The following DPYD variants were observed in gnomAD, a reference collection of about 807,000 sequenced individuals.
DPYD encodes dihydropyrimidine dehydrogenase [NADP(+)].
DPYD carries 109 observed loss-of-function variants against 116.2 expected under a neutral mutation model. The ratio of observed to expected loss-of-function variants is 0.94; its 90% CI spans 0.80 to 1.10. The LOEUF is 1.10. Ranked by LOEUF, DPYD falls within the 50% of genes least tolerant of loss-of-function variation. The pLI, the probability that DPYD is intolerant of heterozygous loss-of-function variation, is 0.00. For missense variants in DPYD, 1,302 were observed against 1,254.5 expected (o/e 1.04, Z -0.57); for synonymous variants, 440 against 432.0 (o/e 1.02, Z -0.23).
intron 14 of DPYD, among the ~76,000 whole-genome samples, chr1:97,417,829 T>G (rs1445256323): frequency 6.6e-6 from 1 of 152,182 alleles, no homozygotes; most frequent in Admixed American, 6.5e-5. Context: ...AAGTAAATGA[T>G]GCCATCCACT....
intron 5 of DPYD, among the ~76,000 whole-genome samples, chr1:97,706,958 C>A (rs576283049): frequency 6.6e-6 from 1 of 152,152 alleles, no homozygotes; most frequent in African/African-American, 2.4e-5. Context: ...TGCATTTCCA[C>A]CAGGGAAGAA....
chr1:97,249,637 C>T (rs570482951), intron 18 of DPYD, among the ~76,000 whole-genome samples: 1 of 151,778 alleles, frequency 6.6e-6, no homozygotes, highest in East Asian at 1.9e-4. Context: ...GAACAAAATA[C>T]ATCATTAAGA....
At position 97,615,247 on chromosome 1, in the gene DPYD, C is replaced by T. The variant is rs556433816; in HGVS notation, c.851-20081G>A. 1.2e-4 allele frequency among the ~76,000 whole-genome samples: 18 copies of T among 152,124 alleles called. No individual in the cohort carries two copies. The South Asian group carries it at 1.2e-3, about 11-fold the overall frequency. On this transcript the variant is annotated intron_variant, in intron 8 of 22. Coordinates refer to ENST00000370192, the MANE Select transcript of DPYD (RefSeq NM_000110.4). Reference sequence around the variant, plus strand: ...CAACAAATTCAAGATGTCCAAAATGCGATTCTTCATTTTCTTCTCCAAATG... The same window carrying T: ...CAACAAATTCAAGATGTCCAAAATGTGATTCTTCATTTTCTTCTCCAAATG...
At chr1:97,420,618 C>T (rs1403218318) in intron 14 of DPYD, among the ~76,000 whole-genome samples, 2 of 152,054 alleles carry the variant, frequency 1.3e-5, no homozygotes, top group African/African-American at 2.4e-5. Flanking sequence ...AACGGCCTTT[C>T]GTAACTGGGC....
chr1:97,531,915 T>C (rs1244635714), intron 12 of DPYD, among the ~76,000 whole-genome samples: 1 of 152,126 alleles, frequency 6.6e-6, no homozygotes, highest in Non-Finnish European at 1.5e-5. Flanking sequence ...ATTTTTTGGA[T>C]AGTTTATTGT....
chr1:97,624,957 T>C (rs1422414910), intron 8 of DPYD, among the ~76,000 whole-genome samples: 1 of 151,924 alleles, frequency 6.6e-6, no homozygotes, highest in African/African-American at 2.4e-5. Context: ...AGAGCTTGTG[T>C]GTTGGGGAAT....
intron 18 of DPYD, among the ~76,000 whole-genome samples, chr1:97,243,870 T>C (rs895346473): frequency 1.8e-4 from 27 of 152,016 alleles, no homozygotes; most frequent in Admixed American, 1.6e-3. Context: ...AGTATCCCAG[T>C]TCAGATGATA....
At chr1:97,265,850 T>A (rs1664195413) in intron 18 of DPYD, among the ~76,000 whole-genome samples, 2 of 152,186 alleles carry the variant, frequency 1.3e-5, no homozygotes, top group Non-Finnish European at 2.9e-5. Context: ...ACTCTCTACT[T>A]AGATGACTAA....
chr1:97,589,333 C>T (rs1016412463), intron 10 of DPYD, among the ~76,000 whole-genome samples: 4 of 152,204 alleles, frequency 2.6e-5, no homozygotes, highest in Admixed American at 6.5e-5. Flanking sequence ...CCCATAATCC[C>T]CACCTGTCAA....
At chr1:97,418,778 T>C (rs1343637089) in intron 14 of DPYD, among the ~76,000 whole-genome samples, 7 of 152,072 alleles carry the variant, frequency 4.6e-5, no homozygotes, top group East Asian at 1.9e-4. Context: ...AAGAAACAAG[T>C]TGAATTGCAT....
chr1:97,117,409 C>A (rs1430990345), intron 20 of DPYD, among the ~76,000 whole-genome samples: 1 of 152,098 alleles, frequency 6.6e-6, no homozygotes, highest in Admixed American at 6.5e-5. Context: ...TTTTTTATTG[C>A]TATATAACTG....
At chr1:97,597,710 T>A (rs995081080) in intron 8 of DPYD, among the ~76,000 whole-genome samples, 1 of 152,152 alleles carries the variant, frequency 6.6e-6, no homozygotes, top group African/African-American at 2.4e-5. Flanking sequence ...AAGGAGAAAT[T>A]CTGTCTTAAG....
chr1:97,782,600 G>A (rs944707266), intron 3 of DPYD, among the ~76,000 whole-genome samples: 1 of 152,050 alleles, frequency 6.6e-6, no homozygotes, highest in African/African-American at 2.4e-5. Context: ...TCATTTCCCT[G>A]TTTAGATTTA....
intron 11 of DPYD, among the ~76,000 whole-genome samples, chr1:97,571,444 A>G (rs2102173340): frequency 6.6e-6 from 1 of 152,092 alleles, no homozygotes; most frequent in African/African-American, 2.4e-5. Flanking sequence ...AATTCTTAAC[A>G]TTATCAATCA....
chr1:97,161,960 C>G (rs890820799), intron 20 of DPYD, among the ~76,000 whole-genome samples: 1 of 151,818 alleles, frequency 6.6e-6, no homozygotes, highest in South Asian at 2.1e-4. Context: ...TTTTTTTAAT[C>G]CAGTCTATCA....
chr1:97,912,471 C>T (rs1238447356), intron 1 of DPYD, among the ~76,000 whole-genome samples: 1 of 151,942 alleles, frequency 6.6e-6, no homozygotes, highest in East Asian at 1.9e-4. Context: ...AAACAAATAT[C>T]AAATTATATA....
intron 8 of DPYD, among the ~76,000 whole-genome samples, chr1:97,643,258 T>C (rs545214271): frequency 1.3e-5 from 2 of 151,864 alleles, no homozygotes; most frequent in African/African-American, 4.8e-5. Context: ...AACAACCCCA[T>C]CAAAAAGTGG....
At chr1:97,182,634 T>C (rs1276493340) in intron 20 of DPYD, among the ~76,000 whole-genome samples, 1 of 152,036 alleles carries the variant, frequency 6.6e-6, no homozygotes, top group Admixed American at 6.6e-5. Flanking sequence ...AAAGCTGTAA[T>C]GGGAGAAGAT....
intron 2 of DPYD, among the ~76,000 whole-genome samples, chr1:97,844,800 G>C (rs561643871): frequency 6.6e-6 from 1 of 152,268 alleles, no homozygotes; most frequent in African/African-American, 2.4e-5. Flanking sequence ...GCCTTCTCAG[G>C]GGCCTGGGAA....
Sources: gnomAD v4.1 joint callset for allele counts (sites outside exome capture counted in the v4.1 genomes callset) on GRCh38, gnomAD v4.1.1 for gene constraint, MANE v1.5 for transcripts, NCBI Gene and HGNC (gene_info 2026-07-23, HGNC 2026-07-21) for gene names.